The following FUT8 variants were observed in gnomAD, a reference collection of about 807,000 sequenced individuals.
FUT8 encodes the protein fucosyltransferase 8.
In FUT8, 29 loss-of-function variants were observed where a neutral mutation model predicts 71.3. The ratio of observed to expected loss-of-function variants is 0.41; its 90% CI spans 0.30 to 0.55. The LOEUF (loss-of-function observed/expected upper bound fraction) is 0.55. Ranked by LOEUF, FUT8 falls within the 20% of genes least tolerant of loss-of-function variation. The pLI, the probability that FUT8 is intolerant of heterozygous loss-of-function variation, is 0.34. For missense variants in FUT8, 544 were observed against 702.1 expected, an observed-to-expected ratio of 0.77 and a Z score of 2.55; for synonymous variants, 254 against 239.3, an observed-to-expected ratio of 1.06 and a Z score of -0.57.
intron 2 of FUT8, among the ~76,000 whole-genome samples, chr14:65,470,916 G>T (rs1022672200): frequency 1.3e-5 from 2 of 152,134 alleles, no homozygotes; most frequent in Non-Finnish European, 2.9e-5. Context: ...GCCTCTCCCT[G>T]TGCCGTCCAT....
intron 10 of FUT8, among the ~76,000 whole-genome samples, chr14:65,737,680 T>C (rs899081872): frequency 6.6e-6 from 1 of 152,136 alleles, no homozygotes; most frequent in Non-Finnish European, 1.5e-5. Context: ...GATGCTCACT[T>C]TAAAGACTAA....
At chr14:65,507,677 C>T (rs2066757603) in intron 2 of FUT8, among the ~76,000 whole-genome samples, 2 of 152,130 alleles carry the variant, frequency 1.3e-5, no homozygotes, top group African/African-American at 4.8e-5. Flanking sequence ...GTATATGTAC[C>T]ACATTTTCTT....
At chr14:65,569,317 A>AT (rs768025029) in intron 3 of FUT8, among the ~76,000 whole-genome samples, 34 of 151,344 alleles carry the variant, frequency 2.2e-4, no homozygotes, top group Admixed American at 1.7e-3. Context: ...ATTATTTTTT[A>AT]TTTTTTTCCT....
chr14:65,727,455 G>T (rs187818650), intron 9 of FUT8, among the ~76,000 whole-genome samples: 1 of 152,150 alleles, frequency 6.6e-6, no homozygotes, highest in Admixed American at 6.5e-5. Flanking sequence ...CAAGGCTTGG[G>T]GCTTCCACCC....
At chr14:65,511,375 A>G (rs923537062) in intron 2 of FUT8, among the ~76,000 whole-genome samples, 2 of 152,194 alleles carry the variant, frequency 1.3e-5, no homozygotes, top group Non-Finnish European at 2.9e-5. Context: ...AAAGAAAAGA[A>G]TGTATATTCT....
chr14:65,452,513 A>G (rs1344067249), intron 1 of FUT8, among the ~76,000 whole-genome samples: 3 of 152,192 alleles, frequency 2.0e-5, no homozygotes, highest in Non-Finnish European at 4.4e-5. Flanking sequence ...ATTTCTCTGT[A>G]TTGAAGAGGT....
intron 3 of FUT8, among the ~76,000 whole-genome samples, chr14:65,582,807 A>G (rs1399719823): frequency 6.6e-6 from 1 of 152,216 alleles, no homozygotes; most frequent in Non-Finnish European, 1.5e-5. Context: ...TTAAATGCTC[A>G]TTGAATGAAT....
At chr14:65,473,407 GT>G (rs2066179331) in intron 2 of FUT8, among the ~76,000 whole-genome samples, 1 of 152,026 alleles carries the variant, frequency 6.6e-6, no homozygotes, top group South Asian at 2.1e-4. Flanking sequence ...GACTAATTAA[GT>G]TTTATTGGAT....
rs758563665 is a variant in FUT8 at position 65,583,178 on chromosome 14, TTTTGTTTTTTTC to T, written c.203+21416_203+21427del. 3.7e-4 allele frequency among the ~76,000 whole-genome samples: 57 copies of T among 152,248 alleles called. No individual in the cohort carries two copies. In the East Asian group the frequency reaches 8.7e-3, roughly 23 times the overall value. Reference sequence around the variant, plus strand: ...GGTTTCATGGTTTTATTTCTTTTTCTTTTGTTTTTTTCTTTTTAGACAAGATCTCACTCTGTT... The same window carrying T: ...GGTTTCATGGTTTTATTTCTTTTTCTTTTTTAGACAAGATCTCACTCTGTT... On this transcript the variant is annotated intron_variant, in intron 3 of 10. Transcript: ENST00000673929.
At chr14:65,505,122 T>G (rs1394408553) in intron 2 of FUT8, among the ~76,000 whole-genome samples, 1 of 152,150 alleles carries the variant, frequency 6.6e-6, no homozygotes, top group Non-Finnish European at 1.5e-5. Context: ...CTAAGCTATC[T>G]TGTCTCATTT....
intron 7 of FUT8, among the ~76,000 whole-genome samples, chr14:65,689,898 G>A (rs1280162271): frequency 6.6e-6 from 1 of 152,204 alleles, no homozygotes; most frequent in Non-Finnish European, 1.5e-5. Flanking sequence ...TATGGATTGT[G>A]CTTTTGGTGT....
chr14:65,702,100 C>G (rs1211428813), intron 7 of FUT8, among the ~76,000 whole-genome samples: 1 of 152,082 alleles, frequency 6.6e-6, no homozygotes, highest in East Asian at 1.9e-4. Context: ...AATCCCAGCA[C>G]TTTGGGAGGC....
the FUT8 span, among the ~76,000 whole-genome samples, chr14:65,396,575 A>G: frequency 6.6e-6 from 1 of 152,204 alleles, no homozygotes; most frequent in Non-Finnish European, 1.5e-5. This position sits in a 1 kb window ranked among gnomAD's most constrained non-coding sequence, Gnocchi z 5.5. Flanking sequence ...TTATCTCACA[A>G]TGGTCCTTCC....
chr14:65,459,419 A>AT (rs1190336068), intron 2 of FUT8, among the ~76,000 whole-genome samples: 5 of 152,316 alleles, frequency 3.3e-5, no homozygotes, highest in South Asian at 2.1e-4. Context: ...ATATCAGCAT[A>AT]TTTTTTGCAT....
At chr14:65,429,861 CAAAAAAAAAAAA>C (rs58941594) in intron 1 of FUT8, among the ~76,000 whole-genome samples, 1 of 81,032 alleles carries the variant, frequency 1.2e-5, no homozygotes, top group Non-Finnish European at 2.3e-5. Flanking sequence ...GAGACTGTCT[CAAAAAAAAAAAA>C]AAAAAAAAAA....
chr14:65,715,112 G>A (rs1263060657), intron 7 of FUT8, among the ~76,000 whole-genome samples: 2 of 152,078 alleles, frequency 1.3e-5, no homozygotes, highest in African/African-American at 4.8e-5. Context: ...TTCCAGTACT[G>A]TGTTGAATAA....
chr14:65,381,993 C>A, the FUT8 span, among the ~76,000 whole-genome samples: 3 of 152,342 alleles, frequency 2.0e-5, no homozygotes, highest in African/African-American at 7.2e-5. Context: ...AACTTGGCTT[C>A]TGCAAGTACT....
At chr14:65,419,338 AC>A (rs1202170397) in intron 1 of FUT8, among the ~76,000 whole-genome samples, 1 of 152,200 alleles carries the variant, frequency 6.6e-6, no homozygotes, top group African/African-American at 2.4e-5. Flanking sequence ...AAAAAAAAAA[AC>A]TATGTTCATT....
chr14:65,376,913 A>G, the FUT8 span, among the ~76,000 whole-genome samples: 1 of 152,172 alleles, frequency 6.6e-6, no homozygotes, highest in Non-Finnish European at 1.5e-5. Context: ...GGGATAGAAA[A>G]GGATGGATGT....
Sources: allele counts gnomAD v4.1 joint callset (sites outside exome capture counted in the v4.1 genomes callset), GRCh38; gene constraint gnomAD v4.1.1; non-coding constraint Gnocchi (gnomAD v3.1); transcripts MANE v1.5; gene names NCBI Gene and HGNC (gene_info 2026-07-23, HGNC 2026-07-21).